The following KALRN variants were observed in gnomAD, a reference collection of about 807,000 sequenced individuals.
KALRN encodes the protein kalirin RhoGEF kinase.
Under a neutral mutation model 353.7 loss-of-function variants are expected in KALRN, and 70 were observed. The observed-to-expected ratio is 0.20, with a 90% CI of 0.16 to 0.24. KALRN has a LOEUF of 0.24. Among genes scored for constraint, KALRN ranks in the 10% least tolerant of loss-of-function variants. The pLI is 1.00. For synonymous variants in KALRN, 1,391 were observed against 1,434.8 expected (o/e 0.97, Z 0.69); for missense variants, 2,791 against 3,756.7 (o/e 0.74, Z 6.72).
intron 1 of KALRN, among the ~76,000 whole-genome samples, chr3:124,177,331 C>A (rs915893783): frequency 3.3e-5 from 5 of 152,354 alleles, no homozygotes; most frequent in African/African-American, 1.2e-4. Flanking sequence ...ATTTTAAACA[C>A]AATAAATATC....
intron 1 of KALRN, chr3:124,152,585 CTTTCTTTCTTT>C: frequency 3.3e-5 from 19 of 579,948 alleles, no homozygotes; most frequent in East Asian, 8.6e-5. Flanking sequence ...TTCTTTCTTT[CTTTCTTTCTTT>C]TTTTTTTTTT....
At chr3:124,591,789 G>A (rs1243954095) in intron 34 of KALRN, among the ~76,000 whole-genome samples, 1 of 152,238 alleles carries the variant, frequency 6.6e-6, no homozygotes, top group Admixed American at 6.5e-5. Context: ...TGGTAACACT[G>A]TAAATGTAAG....
At chr3:124,206,369 A>G (rs775609991) in intron 1 of KALRN, among the ~76,000 whole-genome samples, 15 of 152,358 alleles carry the variant, frequency 9.8e-5, no homozygotes, top group African/African-American at 2.6e-4. Flanking sequence ...GAAGTGGCAT[A>G]TGATACTTCT....
chr3:124,430,516 T>C, intron 15 of KALRN, 140 bp from the exon 16 acceptor site: 2 of 978,764 alleles, frequency 2.0e-6, no homozygotes, highest in Non-Finnish European at 3.0e-6. Flanking sequence ...CCATTTTGAT[T>C]ATGGTGACAT....
chr3:124,410,984 G>T (rs1230926975), intron 13 of KALRN, among the ~76,000 whole-genome samples: 1 of 152,092 alleles, frequency 6.6e-6, no homozygotes, highest in African/African-American at 2.4e-5. Flanking sequence ...ACACACTGTG[G>T]CCTATATGTA....
chr3:124,693,754 T>A lies in KALRN; in HGVS notation c.7378-50T>A, dbSNP rs534497923. ...CAATACGGTGAAGTCCCTTGTTCTC[T>A]TTTAGTAGTTTAGGATTCAAGCAAT... On this transcript the variant is annotated intron_variant, in intron 51 of 59. Coordinates refer to ENST00000682506, the MANE Select transcript of KALRN (RefSeq NM_001388419.1). 3.1e-6 allele frequency: 4 copies of A among 1,286,004 alleles called. No individual in the cohort carries two copies. In the African/African-American group the frequency reaches 6.0e-5, roughly 19 times the overall value. The allele number at this position is 1,286,004 out of a possible 1,614,324, so 79.7% of individuals were successfully genotyped here.
At chr3:124,195,282 C>G (rs964327404) in intron 1 of KALRN, among the ~76,000 whole-genome samples, 2 of 152,162 alleles carry the variant, frequency 1.3e-5, no homozygotes, top group African/African-American at 4.8e-5. Context: ...GATGAACTTA[C>G]CTTTCTTAAG....
At position 124,724,498 on chromosome 3, in the gene KALRN, G is replaced by A. The variant is rs1175033730; in HGVS notation, c.*5028G>A. 2.0e-5 allele frequency: 3 copies of A among 152,108 alleles called. No homozygotes were observed. The highest frequency in any genetic ancestry group is 1.9e-4 in the East Asian group (1 of 5,198). The allele number at this position is 152,108 out of a possible 1,614,324, so 9.4% of individuals were successfully genotyped here. ...TAAAGCCTAGGGATGATTTGATGATGAATGATTAAACCCATGGTGGGCTTA... is the reference window on the plus strand; with the variant it reads ...TAAAGCCTAGGGATGATTTGATGATAAATGATTAAACCCATGGTGGGCTTA... On this transcript the variant is annotated 3_prime_UTR_variant, in exon 60 of 60. Transcript: ENST00000682506.
intron 33 of KALRN, among the ~76,000 whole-genome samples, chr3:124,557,330 T>G (rs554354680): frequency 6.6e-6 from 1 of 152,350 alleles, no homozygotes; most frequent in African/African-American, 2.4e-5. Context: ...ATGAGCATTT[T>G]CATGCTTAAA....
intron 51 of KALRN, among the ~76,000 whole-genome samples, chr3:124,681,451 A>T (rs1358727133): frequency 6.6e-6 from 1 of 152,154 alleles, no homozygotes; most frequent in African/African-American, 2.4e-5. Flanking sequence ...AATTGTGTTG[A>T]TGCATGTCCG....
At chr3:124,686,330 G>A (rs1008194967) in intron 51 of KALRN, among the ~76,000 whole-genome samples, 29 of 152,206 alleles carry the variant, frequency 1.9e-4, no homozygotes, top group African/African-American at 6.0e-4. Flanking sequence ...TACTATTCGC[G>A]TTATTCCCAC....
intron 58 of KALRN, among the ~76,000 whole-genome samples, 200 bp downstream of exon 58, chr3:124,713,335 G>T (rs146379524): frequency 1.0e-3 from 153 of 152,248 alleles, no homozygotes; most frequent in African/African-American, 3.2e-3. Context: ...TAGGAATAAG[G>T]GAAGTCCTTA....
At chr3:124,062,586 G>A (rs180852943) in intron 1 of KALRN, among the ~76,000 whole-genome samples, 4 of 152,194 alleles carry the variant, frequency 2.6e-5, no homozygotes, top group Non-Finnish European at 5.9e-5. Context: ...CTGCATTAGA[G>A]TGCAAGCATT....
intron 1 of KALRN, among the ~76,000 whole-genome samples, chr3:124,068,153 A>G (rs1410703031): frequency 6.6e-6 from 1 of 152,156 alleles, no homozygotes; most frequent in Non-Finnish European, 1.5e-5. Flanking sequence ...CAAAGTTTGG[A>G]TAACTTAACC....
In KALRN at chr3:124,379,629, A is replaced by C. The variant is rs186990268; in HGVS notation, c.1771-5216A>C. On this transcript the variant is annotated intron_variant, in intron 10 of 59. Coordinates refer to ENST00000682506, the MANE Select transcript of KALRN (RefSeq NM_001388419.1). ...TCTGACCCTTCTGGGTACTCCATCC[A>C]ACATCCCATGAACCATGAGGTTTTC... 9.7e-4 allele frequency among the ~76,000 whole-genome samples: 148 copies of C among 152,312 alleles called. 2 individuals are homozygous for C. The highest frequency in any genetic ancestry group is 3.5e-3 in the African/African-American group (146 of 41,574).
At chr3:124,698,061 C>G (rs113343913) in intron 55 of KALRN, among the ~76,000 whole-genome samples, 3 of 152,308 alleles carry the variant, frequency 2.0e-5, no homozygotes, top group African/African-American at 7.2e-5. Flanking sequence ...CCTCCACCTC[C>G]TGGGCTCAAG....
intron 34 of KALRN, among the ~76,000 whole-genome samples, chr3:124,617,495 C>T (rs576688590): frequency 9.2e-5 from 14 of 152,280 alleles, no homozygotes; most frequent in Admixed American, 4.6e-4. Flanking sequence ...GCTGGGCTTA[C>T]AACGAAGAAG....
At chr3:124,408,359 A>C (rs754100158) in intron 13 of KALRN, among the ~76,000 whole-genome samples, 13 of 152,282 alleles carry the variant, frequency 8.5e-5, no homozygotes, top group Middle Eastern at 3.4e-3. Context: ...ATCCCCCAAA[A>C]TCAATTCTTG....
intron 25 of KALRN, among the ~76,000 whole-genome samples, chr3:124,471,576 A>G (rs2060901960): frequency 6.6e-6 from 1 of 152,114 alleles, no homozygotes; most frequent in Admixed American, 6.6e-5. Context: ...AAGCTTTGGA[A>G]GACCCTTTCA....
Sources: allele counts gnomAD v4.1 joint callset (sites outside exome capture counted in the v4.1 genomes callset), GRCh38; gene constraint gnomAD v4.1.1; transcripts MANE v1.5; gene names NCBI Gene and HGNC (gene_info 2026-07-23, HGNC 2026-07-21).